The following TAMM41 variants were observed in gnomAD, a reference collection of about 807,000 sequenced individuals.
TAMM41 encodes phosphatidate cytidylyltransferase, mitochondrial.
Under a neutral mutation model 44.1 loss-of-function variants are expected in TAMM41, and 36 were observed. The observed-to-expected ratio is 0.82, with a 90% CI of 0.63 to 1.08. TAMM41 has a LOEUF of 1.08. TAMM41 is among the 50% of genes least tolerant of loss of function. The pLI, the probability that TAMM41 is intolerant of heterozygous loss-of-function variation, is 0.00. For synonymous variants in TAMM41, 164 were observed against 153.1 expected, an observed-to-expected ratio of 1.07 and a Z score of -0.53; for missense variants, 417 against 404.3, an observed-to-expected ratio of 1.03 and a Z score of -0.27.
At chr3:11,765,893 G>T in the TAMM41 span, among the ~76,000 whole-genome samples, 1 of 151,926 alleles carries the variant, frequency 6.6e-6, no homozygotes, top group Non-Finnish European at 1.5e-5. Flanking sequence ...GTAGAGACTG[G>T]GTTTCGCCAT....
chr3:11,845,725 T>C (rs1297154352), intron 1 of TAMM41, among the ~76,000 whole-genome samples: 5 of 152,078 alleles, frequency 3.3e-5, no homozygotes, highest in African/African-American at 1.2e-4. Flanking sequence ...AGGATGTTAA[T>C]CAGAAGACAG....
At position 11,807,874 on chromosome 3, in the gene TAMM41, G is replaced by C. The variant is rs969996683; in HGVS notation, c.896C>G (p.Pro299Arg). 1.3e-6 allele frequency: 2 copies of C among 1,530,592 alleles called. No individual in the cohort carries two copies. The highest frequency in any genetic ancestry group is 1.4e-5 in the African/African-American group (1 of 72,872). The allele number at this position is 1,530,592 out of a possible 1,614,324, so 94.8% of individuals were successfully genotyped here. Residue 299 changes from proline (P) to arginine (R), a missense_variant, in exon 7 of 8, where the codon CCG becomes CGG. By Grantham distance (103) the Pro-to-Arg change is moderately radical (BLOSUM62 -2). Transcript: ENST00000455809. ...VRLGLSAIVR[P>R]SSIRQSTKGI... ...TTTCGTGCTCTGTCTTATACTAGAC[G>C]GTCTCACGATTGCTGAAAGCCCTGC...
the TAMM41 span, among the ~76,000 whole-genome samples, chr3:11,741,681 A>G: frequency 6.7e-6 from 1 of 150,272 alleles, no homozygotes; most frequent in Non-Finnish European, 1.5e-5. Context: ...TTTTTACCAT[A>G]GATCTTGGCA....
the TAMM41 span, among the ~76,000 whole-genome samples, chr3:11,735,822 T>A: frequency 2.0e-5 from 3 of 151,574 alleles, no homozygotes; most frequent in Admixed American, 6.6e-5. Context: ...GAGGGAAGAA[T>A]GTGATGTGCC....
At chr3:11,739,560 T>C in the TAMM41 span, among the ~76,000 whole-genome samples, 1 of 151,412 alleles carries the variant, frequency 6.6e-6, no homozygotes, top group East Asian at 1.9e-4. Flanking sequence ...TAATCCCAGC[T>C]ACTCGGGTGG....
chr3:11,758,981 T>C, the TAMM41 span, among the ~76,000 whole-genome samples: 1 of 152,164 alleles, frequency 6.6e-6, no homozygotes. Flanking sequence ...CTGAGAAATA[T>C]AATTTACCCT....
chr3:11,729,045 C>G, the TAMM41 span, among the ~76,000 whole-genome samples: 1 of 151,006 alleles, frequency 6.6e-6, no homozygotes, highest in Non-Finnish European at 1.5e-5. Context: ...GCCAGGGAGT[C>G]GGTGATGTGT....
chr3:11,728,835 C>A, the TAMM41 span, among the ~76,000 whole-genome samples: 1 of 152,014 alleles, frequency 6.6e-6, no homozygotes, highest in African/African-American at 2.4e-5. Context: ...ATAGTGAAAC[C>A]CCGTCGCCAC....
chr3:11,829,951 A>G, intron 3 of TAMM41, 87 bp from the exon 4 acceptor site: 2 of 1,326,180 alleles, frequency 1.5e-6, no homozygotes, highest in Non-Finnish European at 2.1e-6. Context: ...AACTATCTCA[A>G]ACTCTCTTCC....
At chr3:11,734,921 C>T in the TAMM41 span, among the ~76,000 whole-genome samples, 14 of 146,878 alleles carry the variant, frequency 9.5e-5, no homozygotes, top group Middle Eastern at 3.5e-3. Context: ...TGGTGGCGGG[C>T]GCCTGTCGTC....
the TAMM41 span, among the ~76,000 whole-genome samples, chr3:11,774,147 A>C: frequency 1.3e-5 from 2 of 152,186 alleles, no homozygotes; most frequent in East Asian, 3.8e-4. Flanking sequence ...TCTTATGCAA[A>C]GGAAGCTATA....
In TAMM41 at chr3:11,844,146, C is replaced by G; in HGVS notation, c.201G>C (p.Lys67Asn). Residue 67 changes from lysine (K) to asparagine (N), a missense_variant, in exon 2 of 8, where the codon AAG becomes AAC. Lys to Asn is a moderately conservative substitution (Grantham distance 94). Coordinates refer to ENST00000455809, the MANE Select transcript of TAMM41 (RefSeq NM_001284401.2). ...GGAAAGAGTAGTGACTCCAATTTTTCTTCAGGTTCTTTGAATGCCATGCGA... is the reference window on the plus strand; with the variant it reads ...GGAAAGAGTAGTGACTCCAATTTTTGTTCAGGTTCTTTGAATGCCATGCGA... Reference protein sequence around the residue: ...DPVAWHSKNLKKNWSHYSFLK... With the variant: ...DPVAWHSKNLNKNWSHYSFLK... 5 of 1,614,166 alleles carry G rather than the reference C, an allele frequency of 3.1e-6. No individual in the cohort carries two copies. Among genetic ancestry groups the G allele is most frequent in the Non-Finnish European group, 4.2e-6 (5 of 1,180,018 alleles).
chr3:11,842,369 G>A (rs1221583116), intron 2 of TAMM41, among the ~76,000 whole-genome samples: 1 of 140,690 alleles, frequency 7.1e-6, no homozygotes, highest in African/African-American at 2.7e-5. Flanking sequence ...ACTCCAGCCT[G>A]GGCAACAAGA....
the TAMM41 span, among the ~76,000 whole-genome samples, chr3:11,743,355 A>G: frequency 6.9e-6 from 1 of 144,912 alleles, no homozygotes; most frequent in East Asian, 2.0e-4. Flanking sequence ...TTTTTTTAAG[A>G]GGAAGTCTCG....
intron 7 of TAMM41, among the ~76,000 whole-genome samples, chr3:11,792,488 T>A (rs1034129183): frequency 3.9e-5 from 6 of 152,176 alleles, no homozygotes; most frequent in African/African-American, 1.4e-4. Flanking sequence ...GAAAATCTAC[T>A]GTGTGTGTGC....
chr3:11,844,916 G>T, intron 1 of TAMM41: 1 of 456,694 alleles, frequency 2.2e-6, no homozygotes, highest in Non-Finnish European at 4.4e-6. Flanking sequence ...GATCAGATCA[G>T]GGGCACAGGA....
chr3:11,797,666 C>T (rs1215584891), intron 7 of TAMM41, among the ~76,000 whole-genome samples: 3 of 152,162 alleles, frequency 2.0e-5, no homozygotes, highest in Admixed American at 6.6e-5. Context: ...AGAGCTTCTG[C>T]GCAGCAAAAG....
the TAMM41 span, among the ~76,000 whole-genome samples, chr3:11,742,624 C>A: frequency 6.7e-6 from 1 of 148,196 alleles, no homozygotes; most frequent in Non-Finnish European, 1.5e-5. Flanking sequence ...AGGGTCTTGC[C>A]CTGTTATGCT....
chr3:11,782,196 C>G, the TAMM41 span, among the ~76,000 whole-genome samples: 2 of 152,076 alleles, frequency 1.3e-5, no homozygotes, highest in African/African-American at 4.8e-5. Flanking sequence ...AATTCAAATC[C>G]CACTATGGGG....
Sources: allele counts gnomAD v4.1 joint callset (sites outside exome capture counted in the v4.1 genomes callset), GRCh38; gene constraint gnomAD v4.1.1; transcripts MANE v1.5; gene names NCBI Gene and HGNC (gene_info 2026-07-23, HGNC 2026-07-21).